The following KCNIP4 variants were observed in gnomAD, a reference collection of about 807,000 sequenced individuals.
KCNIP4 encodes Kv channel-interacting protein 4.
A neutral mutation model predicts 34.0 loss-of-function variants in KCNIP4; 12 were observed. That is an observed-to-expected ratio of 0.35 (90% CI 0.23 to 0.57). The LOEUF is 0.57. Among genes scored for constraint, KCNIP4 ranks in the 20% least tolerant of loss-of-function variants. KCNIP4 has a pLI of 0.83. For missense variants in KCNIP4, 238 were observed against 311.7 expected (o/e 0.76, Z 1.78); for synonymous variants, 124 against 102.2 (o/e 1.21, Z -1.29).
chr4:21,424,544 C>G (rs2109640810), intron 1 of KCNIP4, among the ~76,000 whole-genome samples: 1 of 151,596 alleles, frequency 6.6e-6, no homozygotes, highest in African/African-American at 2.4e-5. Flanking sequence ...GCACTCCAGC[C>G]TGGGTGACAG....
intron 1 of KCNIP4, among the ~76,000 whole-genome samples, chr4:21,893,348 G>A (rs939554572): frequency 1.3e-5 from 2 of 152,106 alleles, no homozygotes; most frequent in African/African-American, 4.8e-5. Context: ...ACCAGATGTC[G>A]AAACAGTTTT....
At chr4:20,907,136 A>C (rs1374526486) in intron 1 of KCNIP4, among the ~76,000 whole-genome samples, 2 of 152,212 alleles carry the variant, frequency 1.3e-5, no homozygotes, top group East Asian at 3.8e-4. Flanking sequence ...CAAAAGACAC[A>C]CAAATATAAC....
chr4:21,331,001 T>TA (rs1272717105), intron 1 of KCNIP4, among the ~76,000 whole-genome samples: 1 of 152,184 alleles, frequency 6.6e-6, no homozygotes, highest in Non-Finnish European at 1.5e-5. Context: ...GATTAACTCC[T>TA]AATTTGTTCC....
intron 1 of KCNIP4, among the ~76,000 whole-genome samples, chr4:21,696,598 T>C (rs528857637): frequency 1.8e-4 from 28 of 152,296 alleles, no homozygotes; most frequent in African/African-American, 6.3e-4. Context: ...CAGTGTCAAG[T>C]ATTTTAGTCC....
intron 1 of KCNIP4, among the ~76,000 whole-genome samples, chr4:20,994,316 A>G (rs1316209251): frequency 6.6e-6 from 1 of 152,224 alleles, no homozygotes; most frequent in Non-Finnish European, 1.5e-5. Context: ...GCTCACGAAG[A>G]CAGAGTCCAC....
intron 1 of KCNIP4, among the ~76,000 whole-genome samples, chr4:21,739,832 A>G (rs529302169): frequency 6.6e-6 from 1 of 152,260 alleles, no homozygotes; most frequent in Admixed American, 6.5e-5. Context: ...CTATTATGCA[A>G]AAGAAGAAAA....
At chr4:20,923,608 G>A (rs1729616315) in intron 1 of KCNIP4, among the ~76,000 whole-genome samples, 1 of 152,144 alleles carries the variant, frequency 6.6e-6, no homozygotes, top group East Asian at 1.9e-4. Flanking sequence ...TTATATACTA[G>A]AGAACCACCA....
chr4:21,918,235 A>G (rs538123224), intron 1 of KCNIP4, among the ~76,000 whole-genome samples: 5 of 152,338 alleles, frequency 3.3e-5, no homozygotes, highest in African/African-American at 1.2e-4. Flanking sequence ...TAATGGAAAC[A>G]TAACTGTGAT....
Position 21,559,277 on chromosome 4 carries a change from G to C in KCNIP4, c.61+389294C>G, listed in dbSNP as rs79593737. 1.8e-3 allele frequency among the ~76,000 whole-genome samples: 277 copies of C among 152,260 alleles called. 1 individual carries two copies. The highest frequency in any genetic ancestry group is 6.3e-3 in the African/African-American group (262 of 41,556). The stretch of plus-strand genomic sequence containing the variant: ...TCTCTGTCGGGCTAGAGTGGAACTT[G>C]AGGTTCATTTAATCCAAGTCTTACA... On this transcript the variant is annotated intron_variant, in intron 1 of 8. Coordinates refer to ENST00000382152, the MANE Select transcript of KCNIP4 (RefSeq NM_025221.6).
At chr4:21,759,071 T>C (rs1030047949) in intron 1 of KCNIP4, among the ~76,000 whole-genome samples, 4 of 152,150 alleles carry the variant, frequency 2.6e-5, no homozygotes, top group Admixed American at 6.5e-5. Flanking sequence ...ATTGACATCA[T>C]GAATTACTAC....
chr4:21,409,195 C>T (rs764129610), intron 1 of KCNIP4, among the ~76,000 whole-genome samples: 1 of 151,664 alleles, frequency 6.6e-6, no homozygotes, highest in African/African-American at 2.4e-5. Flanking sequence ...CAACCTCGAC[C>T]TCCTGGGCTC....
At chr4:21,660,409 C>A (rs1249682443) in intron 1 of KCNIP4, among the ~76,000 whole-genome samples, 1 of 152,084 alleles carries the variant, frequency 6.6e-6, no homozygotes, top group Non-Finnish European at 1.5e-5. Flanking sequence ...AAAGTAATTT[C>A]TACATTTAGG....
intron 1 of KCNIP4, among the ~76,000 whole-genome samples, chr4:20,972,392 A>G (rs1437871840): frequency 6.8e-6 from 1 of 148,060 alleles, no homozygotes; most frequent in Non-Finnish European, 1.5e-5. Flanking sequence ...TTACTGCTTG[A>G]TGCAGGGGCT....
chr4:20,745,402 A>C lies in KCNIP4; in HGVS notation c.429+4260T>G, dbSNP rs1327633890. 2.6e-5 allele frequency among the ~76,000 whole-genome samples: 4 copies of C among 152,158 alleles called. 1 individual carries two copies. The highest frequency in any genetic ancestry group is 9.7e-5 in the African/African-American group (4 of 41,436). ...TGTGGGATGATATCAGTAAAGAGTTACTCAAAACAGGAATGATATCTTTTC... is the reference window on the plus strand; with the variant it reads ...TGTGGGATGATATCAGTAAAGAGTTCCTCAAAACAGGAATGATATCTTTTC... On this transcript the variant is annotated intron_variant, in intron 5 of 8. Transcript: ENST00000382152.
At chr4:21,299,063 T>A (rs1194824497) in intron 1 of KCNIP4, among the ~76,000 whole-genome samples, 1 of 152,110 alleles carries the variant, frequency 6.6e-6, no homozygotes, top group Non-Finnish European at 1.5e-5. Context: ...TAAGTTTTCT[T>A]ATATCTAAAG....
At chr4:20,952,844 G>A (rs1421770607) in intron 1 of KCNIP4, among the ~76,000 whole-genome samples, 1 of 152,208 alleles carries the variant, frequency 6.6e-6, no homozygotes, top group East Asian at 1.9e-4. Flanking sequence ...AGCTCTGGAG[G>A]CTGGGAAGTC....
chr4:21,199,782 G>A (rs1756334128), intron 1 of KCNIP4, among the ~76,000 whole-genome samples: 1 of 93,206 alleles, frequency 1.1e-5, no homozygotes, highest in Non-Finnish European at 2.0e-5. Flanking sequence ...CAAAGACTTG[G>A]AACCAACCCA....
At chr4:21,827,665 C>T (rs1722750440) in intron 1 of KCNIP4, among the ~76,000 whole-genome samples, 1 of 151,950 alleles carries the variant, frequency 6.6e-6, no homozygotes, top group Admixed American at 6.6e-5. Context: ...AATAAATAAT[C>T]TTGCCACAAA....
chr4:21,307,324 T>G (rs1298484823), intron 1 of KCNIP4, among the ~76,000 whole-genome samples: 1 of 152,176 alleles, frequency 6.6e-6, no homozygotes, highest in African/African-American at 2.4e-5. Context: ...TATCTTCCCA[T>G]GAGTAAGTGA....
Sources: gnomAD v4.1 joint callset for allele counts (sites outside exome capture counted in the v4.1 genomes callset) on GRCh38, gnomAD v4.1.1 for gene constraint, MANE v1.5 for transcripts, NCBI Gene and HGNC (gene_info 2026-07-23, HGNC 2026-07-21) for gene names.